Variants in GPC5 observed in about 807,000 individuals in gnomAD.
GPC5 encodes glypican-5.
GPC5 carries 47 observed loss-of-function variants against 53.9 expected under a neutral mutation model. That is an observed-to-expected ratio of 0.87 (90% confidence interval 0.69 to 1.11). The LOEUF is 1.11. Ranked by LOEUF, GPC5 falls within the 50% of genes most tolerant of loss-of-function variation. The pLI, the probability that GPC5 is intolerant of heterozygous loss-of-function variation, is 0.00. For missense variants in GPC5, 748 were observed against 713.1 expected, an observed-to-expected ratio of 1.05 and a Z score of -0.56; for synonymous variants, 286 against 263.3, an observed-to-expected ratio of 1.09 and a Z score of -0.84.
chr13:91,842,236 A>G (rs1415979987), intron 5 of GPC5, among the ~76,000 whole-genome samples: 1 of 152,060 alleles, frequency 6.6e-6, no homozygotes, highest in Non-Finnish European at 1.5e-5. Context: ...TTGATGGCAT[A>G]AAAGAAATAA....
chr13:91,598,743 G>A (rs1486229596), intron 2 of GPC5, among the ~76,000 whole-genome samples: 8 of 152,016 alleles, frequency 5.3e-5, no homozygotes, highest in Non-Finnish European at 1.2e-4. Context: ...TCAGGAATTA[G>A]GAATGCAGTT....
intron 3 of GPC5, among the ~76,000 whole-genome samples, chr13:91,698,551 A>G (rs1474087788): frequency 3.3e-5 from 5 of 152,196 alleles, no homozygotes; most frequent in African/African-American, 1.2e-4. Flanking sequence ...CAATTTATTC[A>G]ATGATGTGAT....
intron 4 of GPC5, among the ~76,000 whole-genome samples, chr13:91,752,002 G>T (rs1038947653): frequency 1.3e-5 from 2 of 152,254 alleles, no homozygotes; most frequent in Non-Finnish European, 2.9e-5. Context: ...GGGTTGAAAG[G>T]TTCAAGATAA....
intron 1 of GPC5, among the ~76,000 whole-genome samples, chr13:91,413,527 T>C (rs1301413250): frequency 6.6e-6 from 1 of 152,238 alleles, no homozygotes; most frequent in East Asian, 1.9e-4. Flanking sequence ...TTAAAAAAGA[T>C]ATTTAAAAAT....
intron 7 of GPC5, among the ~76,000 whole-genome samples, chr13:92,491,018 T>C (rs1398335531): frequency 6.6e-6 from 1 of 152,080 alleles, no homozygotes; most frequent in Non-Finnish European, 1.5e-5. Context: ...TGAGAAGGAC[T>C]CAGATGGTCT....
chr13:92,102,757 T>G (rs897009365), intron 6 of GPC5, among the ~76,000 whole-genome samples: 3 of 152,178 alleles, frequency 2.0e-5, no homozygotes, highest in African/African-American at 7.2e-5. Flanking sequence ...TGTAGGGTTG[T>G]GTCATGAACT....
At chr13:92,144,540 C>G (rs55766802) in intron 6 of GPC5, among the ~76,000 whole-genome samples, 1 of 152,164 alleles carries the variant, frequency 6.6e-6, no homozygotes, top group African/African-American at 2.4e-5. Flanking sequence ...AAAGGATCCT[C>G]TAGACAAACT....
chr13:92,527,426 C>T (rs559495359), intron 7 of GPC5, among the ~76,000 whole-genome samples: 92 of 152,156 alleles, frequency 6.0e-4, no homozygotes, highest in Non-Finnish European at 1.1e-3. Flanking sequence ...ATAGCCAAAA[C>T]TGTCAATCAT....
At chr13:91,863,815 T>C (rs1274140256) in intron 5 of GPC5, among the ~76,000 whole-genome samples, 1 of 152,174 alleles carries the variant, frequency 6.6e-6, no homozygotes, top group Non-Finnish European at 1.5e-5. Context: ...CCTGGACTTC[T>C]CTCTCCCCTT....
intron 2 of GPC5, among the ~76,000 whole-genome samples, chr13:91,597,093 G>A (rs1442506007): frequency 6.6e-6 from 1 of 152,124 alleles, no homozygotes; most frequent in Non-Finnish European, 1.5e-5. Context: ...GTAAACTTGG[G>A]TAATTGTAAG....
chr13:92,397,379 CCG>C (rs1295986869), intron 7 of GPC5, among the ~76,000 whole-genome samples: 1 of 152,178 alleles, frequency 6.6e-6, no homozygotes, highest in African/African-American at 2.4e-5. Context: ...TCTCTCTTGC[CCG>C]CCACTGTGGA....
intron 5 of GPC5, among the ~76,000 whole-genome samples, chr13:91,777,705 G>A (rs9301751): frequency 0.33 from 49,804 of 151,998 alleles, 9,834 homozygotes; most frequent in East Asian, 0.65. Flanking sequence ...TCAGACCTTA[G>A]ATAGGAACCT....
intron 7 of GPC5, among the ~76,000 whole-genome samples, chr13:92,181,553 A>G (rs930098896): frequency 4.6e-5 from 7 of 152,246 alleles, no homozygotes; most frequent in African/African-American, 7.2e-5. Context: ...TTAAGTTTTA[A>G]TATTTTAAAT....
In GPC5 at chr13:91,693,786, A is replaced by C. The variant is rs1288175000; in HGVS notation, c.925A>C (p.Thr309Pro). Residue 309 changes from threonine (T) to proline (P), a missense_variant, in exon 3 of 8, where the codon ACA becomes CCA. Thr to Pro is a conservative substitution (Grantham distance 38). Transcript: ENST00000377067. The part of the protein sequence containing the change: ...LEELSDAMHG[T>P]YDIGHVLLNF... The stretch of plus-strand genomic sequence containing the variant: ...AGAACTCTCGGATGCAATGCATGGA[A>C]CATACGACATTGGACACGTGCTGCT... 1 of 1,614,072 alleles carries C rather than the reference A, an allele frequency of 6.2e-7. No individual in the cohort carries two copies. The highest frequency in any genetic ancestry group is 1.7e-5 in the Admixed American group (1 of 60,032).
At chr13:92,283,421 C>T (rs1264558780) in intron 7 of GPC5, among the ~76,000 whole-genome samples, 1 of 152,184 alleles carries the variant, frequency 6.6e-6, no homozygotes, top group Non-Finnish European at 1.5e-5. Context: ...CTCTCCACCC[C>T]AAATCAACAG....
At chr13:91,702,692 G>T (rs1160938838) in intron 3 of GPC5, among the ~76,000 whole-genome samples, 1 of 151,902 alleles carries the variant, frequency 6.6e-6, no homozygotes. Flanking sequence ...TTGGTACTTT[G>T]ATAGAGATTG....
In GPC5 at chr13:92,548,512, C is replaced by G. The variant is rs143705914; in HGVS notation, c.1562-317770C>G. On this transcript the variant is annotated intron_variant, in intron 7 of 7. Coordinates refer to ENST00000377067, the MANE Select transcript of GPC5 (RefSeq NM_004466.6). ...ATTGATAGCAATAAAATATCCAAGC[C>G]TTTCTTTCTGGTGTTTGTCAAATTT... Among the ~76,000 whole-genome samples, 1,253 of 151,610 alleles carry G rather than the reference C, an allele frequency of 8.3e-3. 19 individuals carry two copies. The highest frequency in any genetic ancestry group is 0.028 in the African/African-American group (1,176 of 41,386).
chr13:91,980,548 T>C (rs1427860062), intron 6 of GPC5, among the ~76,000 whole-genome samples: 1 of 152,204 alleles, frequency 6.6e-6, no homozygotes, highest in East Asian at 1.9e-4. Flanking sequence ...TCACCATAGA[T>C]TCATTTTGTT....
At chr13:91,499,099 T>C (rs1884476919) in intron 2 of GPC5, among the ~76,000 whole-genome samples, 1 of 151,848 alleles carries the variant, frequency 6.6e-6, no homozygotes, top group Admixed American at 6.6e-5. Flanking sequence ...TTTTTGGAGG[T>C]AGAGTTGGGT....
Sources: gnomAD v4.1 joint callset for allele counts (sites outside exome capture counted in the v4.1 genomes callset) on GRCh38, gnomAD v4.1.1 for gene constraint, MANE v1.5 for transcripts, NCBI Gene and HGNC (gene_info 2026-07-23, HGNC 2026-07-21) for gene names.